The following WBP4 variants were observed in gnomAD, a reference collection of about 807,000 sequenced individuals.
WBP4 encodes the protein WW domain binding protein 4.
In WBP4, 37 loss-of-function variants were observed where a neutral mutation model predicts 55.4. That is an observed-to-expected ratio of 0.67 (90% confidence interval 0.51 to 0.88). The LOEUF is 0.88. WBP4 is among the 40% of genes least tolerant of loss of function. The pLI, the probability that WBP4 is intolerant of heterozygous loss-of-function variation, is 0.00. For synonymous variants in WBP4, 142 were observed against 140.2 expected, an observed-to-expected ratio of 1.01 and a Z score of -0.09; for missense variants, 398 against 420.8, an observed-to-expected ratio of 0.95 and a Z score of 0.47.
intron 7 of WBP4, among the ~76,000 whole-genome samples, chr13:41,073,935 C>CTT (rs752889009): frequency 1.4e-5 from 2 of 144,592 alleles, no homozygotes; most frequent in Admixed American, 6.9e-5. Flanking sequence ...TTATCTAAAA[C>CTT]TTTTTTTTTT....
chr13:41,075,184 A>G (rs917426395), intron 7 of WBP4, among the ~76,000 whole-genome samples: 1 of 152,150 alleles, frequency 6.6e-6, no homozygotes, highest in Non-Finnish European at 1.5e-5. Context: ...AGTTGAAAGT[A>G]GGGAATTAAT....
At chr13:41,076,620 C>A (rs1287975116) in intron 8 of WBP4, among the ~76,000 whole-genome samples, 1 of 152,078 alleles carries the variant, frequency 6.6e-6, no homozygotes, top group Non-Finnish European at 1.5e-5. Flanking sequence ...CTTAAGTCTT[C>A]TGATAGAACA....
chr13:41,062,845 T>TC, intron 2 of WBP4, 129 bp downstream of exon 2: 2 of 691,570 alleles, frequency 2.9e-6, no homozygotes, highest in Non-Finnish European at 4.5e-6. Flanking sequence ...CATCAGAAGA[T>TC]TTCTGTCTTC....
chr13:41,068,525 T>A (rs368121398), intron 4 of WBP4, 36 bp from the exon 5 acceptor site: 4 of 1,496,264 alleles, frequency 2.7e-6, no homozygotes, highest in Non-Finnish European at 3.6e-6. Flanking sequence ...AAATAGTAGT[T>A]ACTATAGCTG....
chr13:41,078,557 G>A (rs1878604486), intron 8 of WBP4, among the ~76,000 whole-genome samples: 1 of 152,218 alleles, frequency 6.6e-6, no homozygotes, highest in Non-Finnish European at 1.5e-5. Context: ...GCCAGGCATG[G>A]TGGCTCACAC....
At chr13:41,070,341 T>A (rs1023900987) in intron 5 of WBP4, among the ~76,000 whole-genome samples, 4 of 152,010 alleles carry the variant, frequency 2.6e-5, no homozygotes, top group African/African-American at 9.7e-5. Flanking sequence ...CAGTAGATAA[T>A]TAAGAGGTAC....
At chr13:41,062,545 C>A in intron 1 of WBP4, 99 bp from the exon 2 acceptor site, 5 of 1,025,376 alleles carry the variant, frequency 4.9e-6, no homozygotes, top group African/African-American at 1.6e-5. Flanking sequence ...GATTCAGTAG[C>A]AGGGGCATAT....
At chr13:41,082,663 T>C in intron 9 of WBP4, 41 bp from the exon 10 acceptor site, 1 of 1,599,350 alleles carries the variant, frequency 6.3e-7, no homozygotes, top group African/African-American at 1.3e-5. Flanking sequence ...AACGTTTGTC[T>C]TACCCTGTCA....
intron 5 of WBP4, among the ~76,000 whole-genome samples, chr13:41,069,521 G>C (rs564355325): frequency 6.6e-6 from 1 of 152,098 alleles, no homozygotes; most frequent in East Asian, 1.9e-4. Context: ...AATTAGCCAG[G>C]CATGATGGTG....
chr13:41,071,387 C>T, intron 5 of WBP4, 140 bp from the exon 6 acceptor site: 2 of 652,688 alleles, frequency 3.1e-6, no homozygotes, highest in Non-Finnish European at 5.3e-6. Context: ...GATGTATGTT[C>T]TGTTTTATTT....
chr13:41,066,702 T>C (rs1407773139), intron 4 of WBP4, among the ~76,000 whole-genome samples: 1 of 152,224 alleles, frequency 6.6e-6, no homozygotes, highest in African/African-American at 2.4e-5. Context: ...GTACTATAAT[T>C]TATTTAATCT....
Position 41,068,679 on chromosome 13 carries a change from A to ATGGG in WBP4, c.383_386dup (p.Glu130GlyfsTer7). 6.2e-7 allele frequency: 1 copy of ATGGG among 1,613,700 alleles called. No individual in the cohort carries two copies. The highest frequency in any genetic ancestry group is 8.5e-7 in the Non-Finnish European group (1 of 1,179,870). The stretch of plus-strand genomic sequence containing the variant: ...GAAAAAAAGATCCTTCAAAGGGCAG[A>ATGGG]TGGGTAGAAGGCATAACCTCTGAGG... On this transcript the variant is annotated frameshift_variant, in exon 5 of 10. Transcript: ENST00000379487. LOFTEE classifies it high-confidence loss of function.
chr13:41,073,781 T>C (rs1878354663), intron 7 of WBP4, among the ~76,000 whole-genome samples: 1 of 152,122 alleles, frequency 6.6e-6, no homozygotes, highest in African/African-American at 2.4e-5. Flanking sequence ...CACTCCAGTC[T>C]GGGCGACAGA....
At chr13:41,073,749 G>A (rs1429612712) in intron 7 of WBP4, among the ~76,000 whole-genome samples, 1 of 152,088 alleles carries the variant, frequency 6.6e-6, no homozygotes, top group African/African-American at 2.4e-5. Context: ...AGAGGTTGCA[G>A]TGAGCCAAGA....
intron 7 of WBP4, among the ~76,000 whole-genome samples, chr13:41,075,035 A>G (rs1390529122): frequency 2.0e-5 from 3 of 152,120 alleles, no homozygotes; most frequent in Non-Finnish European, 4.4e-5. Context: ...TAGGAAAAGT[A>G]ATGTTTTTTC....
intron 6 of WBP4, 91 bp from the exon 7 acceptor site, chr13:41,072,691 G>C: frequency 9.4e-7 from 1 of 1,068,088 alleles, no homozygotes; most frequent in Admixed American, 2.0e-5. Context: ...CAGGTGTCAG[G>C]AGGAGAGGCA....
chr13:41,066,790 A>G (rs1303847988), intron 4 of WBP4, among the ~76,000 whole-genome samples: 1 of 72,208 alleles, frequency 1.4e-5, no homozygotes, highest in South Asian at 3.5e-4. Flanking sequence ...TTATGCATGT[A>G]TCTTTTTACA....
chr13:41,064,355 G>A (rs1052722592), intron 2 of WBP4, among the ~76,000 whole-genome samples: 2 of 152,088 alleles, frequency 1.3e-5, no homozygotes, highest in African/African-American at 4.8e-5. Flanking sequence ...GTAAGCTTGT[G>A]TATATCATGA....
rs187190839 is a variant in WBP4, at chr13:41,076,361, C to A, written c.756+124C>A. The A allele has an allele frequency of 1.5e-4, 112 of 729,510 alleles. 2 individuals carry two copies. The African/African-American group carries it at 2.1e-3, about 14-fold the overall frequency. The allele number at this position is 729,510 out of a possible 1,614,324, so 45.2% of individuals were successfully genotyped here. On this transcript the variant is annotated intron_variant, in intron 8 of 9. Transcript: ENST00000379487. The stretch of plus-strand genomic sequence containing the variant: ...TGGCACTGTCTTGGCTCACTGTAAC[C>A]TCCACCTTCCGGGTTCAAGCAATTC...
Sources: allele counts gnomAD v4.1 joint callset (sites outside exome capture counted in the v4.1 genomes callset), GRCh38; gene constraint gnomAD v4.1.1; transcripts MANE v1.5; gene names NCBI Gene and HGNC (gene_info 2026-07-23, HGNC 2026-07-21).